TMCC1: variants seen among roughly 807,000 people sequenced by gnomAD.
The protein encoded by TMCC1 is transmembrane and coiled-coil domains protein 1.
Under a neutral mutation model 52.4 loss-of-function variants are expected in TMCC1, and 15 were observed. The observed-to-expected ratio is 0.29, with a 90% confidence interval of 0.19 to 0.44. TMCC1 has a LOEUF of 0.44. TMCC1 is among the 20% of genes least tolerant of loss of function. The pLI, the probability that TMCC1 is intolerant of heterozygous loss-of-function variation, is 1.00. For synonymous variants in TMCC1, 279 were observed against 301.9 expected (o/e 0.92, Z 0.79); for missense variants, 503 against 806.0 (o/e 0.62, Z 4.55).
At chr3:129,728,646 G>A (rs1025028921) in intron 4 of TMCC1, among the ~76,000 whole-genome samples, 3 of 152,124 alleles carry the variant, frequency 2.0e-5, no homozygotes, top group African/African-American at 7.2e-5. Flanking sequence ...TATGTGTACA[G>A]TTCTATGAAT....
At chr3:129,685,708 A>G (rs891379788) in intron 4 of TMCC1, among the ~76,000 whole-genome samples, 3 of 152,238 alleles carry the variant, frequency 2.0e-5, no homozygotes, top group African/African-American at 7.2e-5. Flanking sequence ...AGGTTTCCCA[A>G]TGATAAGAGC....
intron 4 of TMCC1, among the ~76,000 whole-genome samples, chr3:129,820,064 G>T (rs1247294432): frequency 6.7e-6 from 1 of 148,876 alleles, no homozygotes; most frequent in Admixed American, 6.8e-5. Flanking sequence ...TTCCTTAGAT[G>T]AGCCTTCTCC....
chr3:129,760,739 A>T (rs901102147), intron 4 of TMCC1, among the ~76,000 whole-genome samples: 1 of 151,464 alleles, frequency 6.6e-6, no homozygotes, highest in African/African-American at 2.4e-5. Flanking sequence ...GGGCTTCCAA[A>T]GTGCTGGGAT....
intron 4 of TMCC1, among the ~76,000 whole-genome samples, chr3:129,752,161 T>C (rs1229536022): frequency 6.6e-6 from 1 of 152,202 alleles, no homozygotes; most frequent in Non-Finnish European, 1.5e-5. Flanking sequence ...AACAGTTCTC[T>C]AGGTAGCATT....
intron 4 of TMCC1, chr3:129,688,420 T>C (rs2089563434): frequency 1.0e-6 from 1 of 985,326 alleles, no homozygotes; most frequent in South Asian, 4.7e-5. Flanking sequence ...CTGGGAATGC[T>C]TTCCCCCACC....
chr3:129,871,701 T>C (rs910848727), intron 2 of TMCC1, among the ~76,000 whole-genome samples: 1 of 151,916 alleles, frequency 6.6e-6, no homozygotes, highest in African/African-American at 2.4e-5. Context: ...AAACGGCTCC[T>C]ACAAATTCAT....
At chr3:129,809,860 C>T (rs2057703198) in intron 4 of TMCC1, among the ~76,000 whole-genome samples, 1 of 152,126 alleles carries the variant, frequency 6.6e-6, no homozygotes, top group South Asian at 2.1e-4. Context: ...TACATTTAAT[C>T]TTGATGTGAC....
chr3:129,873,389 G>A (rs779069730), intron 2 of TMCC1, among the ~76,000 whole-genome samples: 8 of 149,164 alleles, frequency 5.4e-5, no homozygotes, highest in South Asian at 2.1e-4. Flanking sequence ...AAAAAAAAAC[G>A]GACACAAGTT....
intron 4 of TMCC1, among the ~76,000 whole-genome samples, chr3:129,751,601 C>T (rs915278136): frequency 3.3e-5 from 5 of 151,622 alleles, no homozygotes; most frequent in Non-Finnish European, 7.4e-5. Context: ...CTTGCTCTGT[C>T]ACCCAGGCTG....
intron 4 of TMCC1, among the ~76,000 whole-genome samples, chr3:129,698,263 C>A (rs139354558): frequency 6.6e-6 from 1 of 152,118 alleles, no homozygotes; most frequent in South Asian, 2.1e-4. Context: ...TCTTACTTGG[C>A]GGCAGGCAAG....
At chr3:129,857,683 T>A (rs542851826) in intron 2 of TMCC1, among the ~76,000 whole-genome samples, 7 of 152,036 alleles carry the variant, frequency 4.6e-5, no homozygotes, top group African/African-American at 1.4e-4. Context: ...TGCCTCAGCC[T>A]CCTGAGTAGC....
At chr3:129,792,961 C>A (rs2056575306) in intron 4 of TMCC1, among the ~76,000 whole-genome samples, 1 of 152,112 alleles carries the variant, frequency 6.6e-6, no homozygotes, top group East Asian at 1.9e-4. Flanking sequence ...CAGCAAAATA[C>A]CCATAATATA....
chr3:129,725,025 T>C (rs991921377), intron 4 of TMCC1, among the ~76,000 whole-genome samples: 1 of 152,254 alleles, frequency 6.6e-6, no homozygotes, highest in African/African-American at 2.4e-5. Flanking sequence ...AGGAGATACA[T>C]ATAACTTATT....
chr3:129,788,986 G>C (rs2056254607), intron 4 of TMCC1, among the ~76,000 whole-genome samples: 1 of 152,168 alleles, frequency 6.6e-6, no homozygotes. Context: ...ACATTTAACT[G>C]TTAGTAAAAT....
intron 4 of TMCC1, among the ~76,000 whole-genome samples, chr3:129,761,273 A>G (rs939866853): frequency 1.3e-4 from 19 of 142,950 alleles, no homozygotes; most frequent in African/African-American, 5.0e-4. Flanking sequence ...GCTTGCAGTG[A>G]GCCGAGATGG....
At chr3:129,835,523 G>T (rs2059120674) in intron 2 of TMCC1, among the ~76,000 whole-genome samples, 1 of 152,108 alleles carries the variant, frequency 6.6e-6, no homozygotes, top group Admixed American at 6.5e-5. Flanking sequence ...CGTGTGATGA[G>T]GTTTCTATAA....
chr3:129,835,935 A>T (rs1446929946), intron 2 of TMCC1, among the ~76,000 whole-genome samples: 3 of 152,210 alleles, frequency 2.0e-5, no homozygotes, highest in Non-Finnish European at 4.4e-5. Context: ...TAACTCAGTA[A>T]TTACATTAAA....
intron 1 of TMCC1, among the ~76,000 whole-genome samples, chr3:129,887,943 A>G (rs2061794026): frequency 1.3e-5 from 2 of 152,258 alleles, no homozygotes; most frequent in South Asian, 4.1e-4. Flanking sequence ...GCAGAATGTG[A>G]CAAAATCTAA....
intron 4 of TMCC1, among the ~76,000 whole-genome samples, chr3:129,700,485 C>CT (rs1012604994): frequency 9.3e-4 from 139 of 148,876 alleles, no homozygotes; most frequent in African/African-American, 2.4e-3. Flanking sequence ...TTTTAAAAAT[C>CT]TTTTTTTTTT....
Sources: allele counts gnomAD v4.1 joint callset (sites outside exome capture counted in the v4.1 genomes callset), GRCh38; gene constraint gnomAD v4.1.1; transcripts MANE v1.5; gene names NCBI Gene and HGNC (gene_info 2026-07-23, HGNC 2026-07-21).